The following SETBP1 variants were observed in gnomAD, a reference collection of about 807,000 sequenced individuals.
SETBP1 encodes SET binding protein 1.
SETBP1 carries 9 observed loss-of-function variants against 101.0 expected under a neutral mutation model. That is an observed-to-expected ratio of 0.09 (90% CI 0.05 to 0.16). The LOEUF is 0.16. Among genes scored for constraint, SETBP1 ranks in the 10% least tolerant of loss-of-function variants. SETBP1 has a pLI of 1.00. For synonymous variants in SETBP1, 818 were observed against 788.5 expected, an observed-to-expected ratio of 1.04 and a Z score of -0.63; for missense variants, 1,858 against 2,033.8, an observed-to-expected ratio of 0.91 and a Z score of 1.66.
intron 3 of SETBP1, among the ~76,000 whole-genome samples, chr18:44,943,622 C>T (rs906608197): frequency 2.0e-5 from 3 of 152,172 alleles, no homozygotes; most frequent in African/African-American, 7.2e-5. Flanking sequence ...ACAAAACTTC[C>T]TAGCTGATGC....
intron 2 of SETBP1, among the ~76,000 whole-genome samples, chr18:44,727,895 G>C (rs920511077): frequency 6.6e-6 from 1 of 152,096 alleles, no homozygotes. Context: ...GTGCTAGAGA[G>C]TTAGTGACAC....
chr18:44,969,055 G>A (rs939669429), intron 4 of SETBP1, among the ~76,000 whole-genome samples: 2 of 152,086 alleles, frequency 1.3e-5, no homozygotes, highest in Admixed American at 1.3e-4. Context: ...CAGCTCTGTG[G>A]CATTTTCATA....
intron 2 of SETBP1, among the ~76,000 whole-genome samples, chr18:44,768,753 G>A (rs530879557): frequency 2.0e-5 from 3 of 152,222 alleles, no homozygotes; most frequent in South Asian, 2.1e-4. Flanking sequence ...AAGTATATAC[G>A]GAGATCTGTT....
intron 3 of SETBP1, 33 bp from the exon 4 acceptor site, chr18:44,949,846 CTG>C (rs1340746107): frequency 6.7e-7 from 1 of 1,502,988 alleles, no homozygotes; most frequent in Non-Finnish European, 9.2e-7. Context: ...TTCTCTCTCT[CTG>C]TCTCTCTCCC....
At chr18:44,798,476 A>G (rs2071529906) in intron 2 of SETBP1, among the ~76,000 whole-genome samples, 1 of 152,200 alleles carries the variant, frequency 6.6e-6, no homozygotes, top group Non-Finnish European at 1.5e-5. Flanking sequence ...GGTGGACTTA[A>G]CTTGGCTTTT....
chr18:44,810,004 A>C (rs1265790378), intron 2 of SETBP1, among the ~76,000 whole-genome samples: 2 of 152,182 alleles, frequency 1.3e-5, no homozygotes, highest in African/African-American at 4.8e-5. Flanking sequence ...CCTCCCTGCA[A>C]GAACTATTTT....
intron 2 of SETBP1, among the ~76,000 whole-genome samples, chr18:44,810,757 G>A (rs570895530): frequency 6.6e-6 from 1 of 152,298 alleles, no homozygotes; most frequent in Non-Finnish European, 1.5e-5. Context: ...GAAAAGAGAA[G>A]TTGAAATGGA....
intron 4 of SETBP1, among the ~76,000 whole-genome samples, chr18:44,965,321 C>G (rs1459507807): frequency 8.2e-6 from 1 of 121,740 alleles, no homozygotes; most frequent in East Asian, 4.0e-4. Context: ...ACAGATCACT[C>G]AGAACAAATC....
Position 44,952,657 on chromosome 18 carries a change from C to T in SETBP1, c.3317C>T (p.Ala1106Val). The change falls in exon 4 of 6, where the codon GCA (alanine) becomes GTA (valine). Residue 1106 changes from alanine (A) to valine (V), a missense_variant. Physicochemically the swap from Ala to Val is moderately conservative, Grantham distance 64. This residue lies in a region of SETBP1 where 255 missense variants were observed against 300.1 expected (regional missense o/e 0.85). Coordinates refer to ENST00000649279, the MANE Select transcript of SETBP1 (RefSeq NM_015559.3). ...AACTCCCACGTAAAGATGTCCGGTG[C>T]AGCTAAGCATAAAGCCAAGCATGGA... is the stretch of plus-strand genomic sequence containing the variant. ...HTNSHVKMSGAAKHKAKHGVH... is the reference protein window; with the variant it reads ...HTNSHVKMSGVAKHKAKHGVH... The T allele has an allele frequency of 6.2e-7, 1 of 1,614,118 alleles. No individual in the cohort carries two copies. The highest frequency in any genetic ancestry group is 1.3e-5 in the African/African-American group (1 of 75,042).
chr18:44,912,011 C>T (rs769577856), intron 3 of SETBP1, among the ~76,000 whole-genome samples: 25 of 151,852 alleles, frequency 1.6e-4, no homozygotes, highest in Non-Finnish European at 2.5e-4. Flanking sequence ...ACAGATATAA[C>T]GAAAATGCTA....
At position 44,952,268 on chromosome 18, in the gene SETBP1, C is replaced by G; in HGVS notation, c.2928C>G (p.Phe976Leu). 1 of 1,614,182 alleles carries G rather than the reference C, an allele frequency of 6.2e-7. No homozygotes were observed. The change falls in exon 4 of 6, where the codon TTC becomes TTG. Residue 976 changes from phenylalanine to leucine, a missense_variant. Around this residue, in one of 12 missense-constraint regions of SETBP1, gnomAD observed 255 missense variants for 300.1 expected, o/e 0.85. Transcript: ENST00000649279. The stretch of plus-strand genomic sequence containing the variant: ...GAATCTCCCACCGGAGTTACACCTT[C>G]TACCACGAGAATCCATATCCCAGCA... ...VFRISHRSYT[F>L]YHENPYPSIF...
chr18:44,943,356 G>T (rs544732467), intron 3 of SETBP1, among the ~76,000 whole-genome samples: 1 of 152,232 alleles, frequency 6.6e-6, no homozygotes, highest in South Asian at 2.1e-4. Flanking sequence ...ACTGGCTACA[G>T]TTCAGAAATG....
chr18:44,713,274 GAACAA>G (rs1299311302), intron 2 of SETBP1, among the ~76,000 whole-genome samples: 1 of 151,774 alleles, frequency 6.6e-6, no homozygotes, highest in African/African-American at 2.4e-5. Context: ...CCCCTTAATG[GAACAA>G]AACACCCCTT....
At chr18:45,059,866 A>G (rs1013590033) in intron 5 of SETBP1, among the ~76,000 whole-genome samples, 8 of 152,168 alleles carry the variant, frequency 5.3e-5, no homozygotes, top group African/African-American at 1.9e-4. Context: ...CTTGGGGGGA[A>G]GTAGATGTTG....
At chr18:44,966,222 A>G (rs767164923) in intron 4 of SETBP1, among the ~76,000 whole-genome samples, 17 of 152,172 alleles carry the variant, frequency 1.1e-4, no homozygotes, top group Non-Finnish European at 2.1e-4. Context: ...AAGACCCTCC[A>G]TTATCCACTC....
intron 2 of SETBP1, among the ~76,000 whole-genome samples, chr18:44,837,641 G>A (rs1171381592): frequency 6.6e-6 from 1 of 152,144 alleles, no homozygotes; most frequent in Non-Finnish European, 1.5e-5. Context: ...AGCCTAAGAG[G>A]CGATGCGGTC....
intron 4 of SETBP1, among the ~76,000 whole-genome samples, chr18:44,971,841 A>T (rs902471034): frequency 6.6e-6 from 1 of 152,036 alleles, no homozygotes; most frequent in East Asian, 1.9e-4. Context: ...GTTCACTCTG[A>T]TGGTAGTTTC....
intron 4 of SETBP1, among the ~76,000 whole-genome samples, chr18:45,030,966 C>T (rs1337345614): frequency 6.6e-6 from 1 of 151,916 alleles, no homozygotes. Flanking sequence ...AAACCAGCTC[C>T]TGGATTCATT....
intron 4 of SETBP1, among the ~76,000 whole-genome samples, chr18:45,015,876 T>G (rs748317117): frequency 1.3e-5 from 2 of 152,216 alleles, no homozygotes; most frequent in Non-Finnish European, 2.9e-5. Context: ...CATGGGGATA[T>G]TCTGTTCTTG....
Sources: gnomAD v4.1 joint callset for allele counts (sites outside exome capture counted in the v4.1 genomes callset) on GRCh38, gnomAD v4.1.1 for gene constraint, gnomAD v4.1.1 regional missense constraint, MANE v1.5 for transcripts, NCBI Gene and HGNC (gene_info 2026-07-23, HGNC 2026-07-21) for gene names.